GALNT14: variants seen among roughly 807,000 people sequenced by gnomAD.
The protein encoded by GALNT14 is UDP-GalNAc:polypeptide N-acetylgalactosaminyltransferase 14.
Under a neutral mutation model 77.5 loss-of-function variants are expected in GALNT14, and 60 were observed. The ratio of observed to expected loss-of-function variants is 0.77; its 90% CI spans 0.63 to 0.96. The LOEUF (loss-of-function observed/expected upper bound fraction) is 0.96, where lower values mean the gene tolerates loss of function less well. Ranked by LOEUF, GALNT14 falls within the 40% of genes least tolerant of loss-of-function variation. GALNT14 has a pLI of 0.00. For synonymous variants in GALNT14, 280 were observed against 281.7 expected (o/e 0.99, Z 0.06); for missense variants, 710 against 731.0 (o/e 0.97, Z 0.33).
chr2:30,958,117 G>T (rs3815837), intron 4 of GALNT14, among the ~76,000 whole-genome samples: 35,325 of 152,092 alleles, frequency 0.23, 4,988 homozygotes, highest in East Asian at 0.4. Context: ...CGGGGTTGGG[G>T]AGGTCCCAAA....
intron 11 of GALNT14, 116 bp downstream of exon 11, chr2:30,929,279 C>T: frequency 1.4e-6 from 1 of 697,526 alleles, no homozygotes; most frequent in Non-Finnish European, 2.5e-6. Flanking sequence ...CAGCCTTGGG[C>T]CCTGCGGGAG....
chr2:31,032,747 C>T lies in GALNT14; in HGVS notation c.130-39740G>A, dbSNP rs571876871. 7.9e-5 allele frequency among the ~76,000 whole-genome samples: 12 copies of T among 152,274 alleles called. No homozygotes were observed. In the South Asian group the frequency reaches 1.5e-3, roughly 18 times the overall value. ...ATTGCTGAGCGATCAAGGTCAACTG[C>T]GCAGTACTGCTGAGTGATCACGGGT... On this transcript the variant is annotated intron_variant, in intron 1 of 14. Coordinates refer to ENST00000349752, the MANE Select transcript of GALNT14 (RefSeq NM_024572.4).
chr2:31,049,861 C>T (rs1673725943), intron 1 of GALNT14, among the ~76,000 whole-genome samples: 1 of 152,136 alleles, frequency 6.6e-6, no homozygotes, highest in Non-Finnish European at 1.5e-5. Flanking sequence ...TTACAGCAGC[C>T]TTTATGTGCC....
At chr2:30,955,833 C>A in intron 5 of GALNT14, 79 bp downstream of exon 5, 1 of 1,609,736 alleles carries the variant, frequency 6.2e-7, no homozygotes, top group South Asian at 1.1e-5. Context: ...CCACTGATCA[C>A]CCCAACACAC....
chr2:30,969,609 G>T (rs1275272540), intron 2 of GALNT14, among the ~76,000 whole-genome samples: 1 of 152,194 alleles, frequency 6.6e-6, no homozygotes, highest in African/African-American at 2.4e-5. Flanking sequence ...TGGAGGAGGA[G>T]CTGCTGGATC....
chr2:30,914,969 G>A (rs1208086346), intron 13 of GALNT14, among the ~76,000 whole-genome samples: 1 of 152,162 alleles, frequency 6.6e-6, no homozygotes, highest in African/African-American at 2.4e-5. Flanking sequence ...ATCAGTACAA[G>A]GGAAAGACTA....
chr2:31,047,629 T>TC (rs1178928539), intron 1 of GALNT14, among the ~76,000 whole-genome samples: 1 of 152,188 alleles, frequency 6.6e-6, no homozygotes, highest in Non-Finnish European at 1.5e-5. Context: ...GCTAGTGACC[T>TC]TGAGGGGTTC....
chr2:30,898,972 G>C, the GALNT14 span, among the ~76,000 whole-genome samples: 1 of 152,178 alleles, frequency 6.6e-6, no homozygotes, highest in Non-Finnish European at 1.5e-5. Flanking sequence ...TCTTGCTGTA[G>C]GGACAGGCCT....
At chr2:31,001,950 A>C (rs1368839517) in intron 1 of GALNT14, among the ~76,000 whole-genome samples, 1 of 152,238 alleles carries the variant, frequency 6.6e-6, no homozygotes, top group Non-Finnish European at 1.5e-5. Flanking sequence ...GAAATGAAAT[A>C]ATAATGATGG....
intron 1 of GALNT14, among the ~76,000 whole-genome samples, chr2:31,111,802 A>G (rs191854494): frequency 5.9e-5 from 9 of 152,122 alleles, no homozygotes; most frequent in Admixed American, 4.6e-4. Flanking sequence ...ATATTTTTCT[A>G]TGCAAGATGA....
chr2:31,035,399 A>G (rs1672652894), intron 1 of GALNT14, among the ~76,000 whole-genome samples: 1 of 151,756 alleles, frequency 6.6e-6, no homozygotes, highest in African/African-American at 2.4e-5. Flanking sequence ...TGCAATATTC[A>G]TATGGTTCTC....
At chr2:31,082,836 G>T (rs1676222735) in intron 1 of GALNT14, among the ~76,000 whole-genome samples, 1 of 152,112 alleles carries the variant, frequency 6.6e-6, no homozygotes, top group South Asian at 2.1e-4. Context: ...TGGCCAACAT[G>T]GTGAAACCCT....
intron 13 of GALNT14, among the ~76,000 whole-genome samples, chr2:30,920,035 G>A (rs1664938098): frequency 6.6e-6 from 1 of 152,178 alleles, no homozygotes; most frequent in Non-Finnish European, 1.5e-5. Flanking sequence ...CTGTCAAGGT[G>A]GAGCTGATTT....
intron 1 of GALNT14, among the ~76,000 whole-genome samples, chr2:31,035,600 TACACACACACACACACCTACACAC>T (rs1336187880): frequency 6.1e-5 from 3 of 49,582 alleles, no homozygotes; most frequent in African/African-American, 2.0e-4. Context: ...CATATACATA[TACACACACACACACACCTACACAC>T]ACACACACAC....
At chr2:30,958,516 A>G in intron 3 of GALNT14, 52 bp from the exon 4 acceptor site, 1 of 1,425,840 alleles carries the variant, frequency 7.0e-7, no homozygotes, top group South Asian at 1.2e-5. Flanking sequence ...GGCAAAATAT[A>G]TGTACTAACC....
intron 1 of GALNT14, among the ~76,000 whole-genome samples, chr2:31,038,291 G>A (rs11682270): frequency 4.0e-5 from 6 of 150,936 alleles, no homozygotes; most frequent in East Asian, 3.9e-4. Context: ...ACAGGGTTTC[G>A]CAATGTTGGC....
At chr2:30,897,354 A>T in the GALNT14 span, among the ~76,000 whole-genome samples, 2 of 152,154 alleles carry the variant, frequency 1.3e-5, no homozygotes, top group Non-Finnish European at 2.9e-5. Flanking sequence ...CACCCCAAAC[A>T]GATGCCCCCT....
rs779484740 is a variant in GALNT14, at chr2:30,945,873, G to A, written c.655-3C>T. The A allele has an allele frequency of 2.5e-6, 4 of 1,613,516 alleles. No individual in the cohort carries two copies. Among genetic ancestry groups the A allele is most frequent in the Admixed American group, 3.3e-5 (2 of 59,994 alleles). ...GGGCACACCACCCGCGTGTAGTCCT[G>A]TAAGACAACAGACCCGCACTTAGCT... is the stretch of plus-strand genomic sequence containing the variant. On this transcript the variant is annotated splice_region_variant and splice_polypyrimidine_tract_variant and intron_variant, in intron 6 of 14. Transcript: ENST00000349752.
chr2:31,087,489 AGAGAGGAGAG>A (rs1453043367), intron 1 of GALNT14, among the ~76,000 whole-genome samples: 1 of 151,566 alleles, frequency 6.6e-6, no homozygotes, highest in Non-Finnish European at 1.5e-5. Flanking sequence ...GGAGAGGAGA[AGAGAGGAGAG>A]GAGAGGAGAA....
Sources: allele counts gnomAD v4.1 joint callset (sites outside exome capture counted in the v4.1 genomes callset), GRCh38; gene constraint gnomAD v4.1.1; transcripts MANE v1.5; gene names NCBI Gene and HGNC (gene_info 2026-07-23, HGNC 2026-07-21).